The following DOCK1 variants were observed in gnomAD, a reference collection of about 807,000 sequenced individuals.
DOCK1 encodes dedicator of cytokinesis 1.
A neutral mutation model predicts 262.7 loss-of-function variants in DOCK1; 138 were observed. That is an observed-to-expected ratio of 0.53 (90% CI 0.46 to 0.61). DOCK1 has a LOEUF of 0.61. Among genes scored for constraint, DOCK1 ranks in the 20% least tolerant of loss-of-function variants. The probability of loss-of-function intolerance (pLI) is 0.00; values close to 1 mark genes in which losing one functional copy is unlikely to be tolerated. For missense variants in DOCK1, 1,908 were observed against 2,370.7 expected (o/e 0.80, Z 4.05); for synonymous variants, 866 against 867.4 (o/e 1.00, Z 0.03).
intron 23 of DOCK1, among the ~76,000 whole-genome samples, chr10:127,105,185 T>C (rs1243749858): frequency 1.3e-5 from 2 of 152,190 alleles, no homozygotes; most frequent in East Asian, 3.8e-4. Context: ...CCTTCCACCA[T>C]GATTATGAGG....
chr10:126,960,041 C>G (rs2037075394), intron 1 of DOCK1, among the ~76,000 whole-genome samples: 1 of 152,150 alleles, frequency 6.6e-6, no homozygotes, highest in African/African-American at 2.4e-5. Context: ...CTCCTGACCT[C>G]AGGTGATCCG....
chr10:127,325,117 T>C (rs2062699772), intron 29 of DOCK1, among the ~76,000 whole-genome samples: 1 of 152,082 alleles, frequency 6.6e-6, no homozygotes, highest in African/African-American at 2.4e-5. Context: ...TTTCTCTTAA[T>C]CATTACACTC....
intron 27 of DOCK1, among the ~76,000 whole-genome samples, chr10:127,235,461 G>A (rs2059013077): frequency 1.3e-5 from 2 of 152,126 alleles, no homozygotes; most frequent in African/African-American, 4.8e-5. Context: ...TTTACCAGTA[G>A]TTTGTTCCTC....
chr10:127,439,492 G>A (rs1233264866), intron 49 of DOCK1, among the ~76,000 whole-genome samples: 2 of 152,088 alleles, frequency 1.3e-5, no homozygotes, highest in East Asian at 3.9e-4. Flanking sequence ...GCTAGGCTCT[G>A]CCGCTCTGTT....
At chr10:127,237,464 T>G (rs2059115787) in intron 27 of DOCK1, among the ~76,000 whole-genome samples, 1 of 152,156 alleles carries the variant, frequency 6.6e-6, no homozygotes, top group African/African-American at 2.4e-5. Flanking sequence ...TTGTACTCTT[T>G]CTTACAACTT....
At chr10:127,108,746 C>T (rs141629065) in intron 24 of DOCK1, among the ~76,000 whole-genome samples, 3 of 152,298 alleles carry the variant, frequency 2.0e-5, no homozygotes, top group East Asian at 1.9e-4. Flanking sequence ...CAACAATAGA[C>T]GCAGCATCTA....
At chr10:127,445,915 G>A (rs1172857840) in intron 50 of DOCK1, among the ~76,000 whole-genome samples, 1 of 152,152 alleles carries the variant, frequency 6.6e-6, no homozygotes, top group Non-Finnish European at 1.5e-5. Flanking sequence ...AGTCACAAAG[G>A]GACAAATATT....
intron 27 of DOCK1, among the ~76,000 whole-genome samples, chr10:127,207,337 T>C (rs1215728096): frequency 6.6e-6 from 1 of 152,192 alleles, no homozygotes; most frequent in Non-Finnish European, 1.5e-5. Flanking sequence ...TCAGGAATCT[T>C]ATGTAGAAAG....
intron 10 of DOCK1, chr10:127,000,653 G>A (rs1018942795): frequency 4.9e-6 from 1 of 204,636 alleles, no homozygotes; most frequent in African/African-American, 2.3e-5. Context: ...ATATGTGCAG[G>A]ACGGTCAAAG....
intron 38 of DOCK1, among the ~76,000 whole-genome samples, chr10:127,401,924 G>C (rs924322183): frequency 1.3e-5 from 2 of 152,218 alleles, no homozygotes; most frequent in Non-Finnish European, 2.9e-5. Context: ...TCAGTGCCAA[G>C]GGTAGTCTAG....
intron 32 of DOCK1, among the ~76,000 whole-genome samples, chr10:127,356,002 A>G (rs2064127298): frequency 6.6e-6 from 1 of 152,216 alleles, no homozygotes; most frequent in Non-Finnish European, 1.5e-5. Context: ...CTCCCAGTAC[A>G]AAGAGAACCT....
chr10:127,143,117 G>A (rs913499594), intron 27 of DOCK1, among the ~76,000 whole-genome samples: 17 of 152,158 alleles, frequency 1.1e-4, no homozygotes, highest in Non-Finnish European at 7.3e-5. Flanking sequence ...CTCAGGCCCT[G>A]CCACAGTTTC....
intron 21 of DOCK1, among the ~76,000 whole-genome samples, chr10:127,052,042 T>C (rs1352232716): frequency 6.6e-6 from 1 of 152,222 alleles, no homozygotes; most frequent in Non-Finnish European, 1.5e-5. Context: ...GGGAAGCTAG[T>C]GTTTTACCTG....
At chr10:126,913,466 G>A (rs776255071) in intron 1 of DOCK1, among the ~76,000 whole-genome samples, 10 of 152,216 alleles carry the variant, frequency 6.6e-5, no homozygotes, top group African/African-American at 9.6e-5. Context: ...CACGAGGCTG[G>A]CTTCTGTCCT....
chr10:126,994,936 C>G (rs1355577064), intron 6 of DOCK1, among the ~76,000 whole-genome samples: 1 of 149,806 alleles, frequency 6.7e-6, no homozygotes, highest in Non-Finnish European at 1.5e-5. Flanking sequence ...GGGTGGCTGC[C>G]GGGTGGAGGG....
intron 35 of DOCK1, among the ~76,000 whole-genome samples, chr10:127,377,307 C>A (rs2065550467): frequency 6.6e-6 from 1 of 152,056 alleles, no homozygotes; most frequent in South Asian, 2.1e-4. Context: ...TCTCCTGGTA[C>A]TTTTATTACA....
rs2044093805 is a variant in DOCK1, at chr10:127,042,607, C to T, written c.2011-18C>T. 1 of 1,612,198 alleles carries T rather than the reference C, an allele frequency of 6.2e-7. No individual in the cohort carries two copies. Among genetic ancestry groups the T allele is most frequent in the Admixed American group, 1.7e-5 (1 of 59,998 alleles). Reference sequence around the variant, plus strand: ...CCGGTGGGTTCACATTGTCACCCGACCTTCTGTGTCTATGCAGTTTCTTCA... The same window carrying T: ...CCGGTGGGTTCACATTGTCACCCGATCTTCTGTGTCTATGCAGTTTCTTCA... On this transcript the variant is annotated intron_variant, in intron 19 of 51. Coordinates refer to ENST00000623213, the MANE Select transcript of DOCK1 (RefSeq NM_001290223.2).
rs762364778 is a variant in DOCK1, at chr10:127,362,199, G to A, written c.3419G>A (p.Arg1140Gln). 23 of 1,613,174 alleles carry A rather than the reference G, an allele frequency of 1.4e-5. No homozygotes were observed. Among genetic ancestry groups the A allele is most frequent in the Admixed American group, 1.7e-5 (1 of 59,858 alleles). Reference protein sequence around the residue: ...DMMQCEFHSTRSFQMFENEII... With the variant: ...DMMQCEFHSTQSFQMFENEII... ...ATGCAGTGTGAATTCCATTCGACCC[G>A]AAGCTTCCAAATGGTAAGGACGTAG... The change falls in exon 33 of 52, where the codon CGA becomes CAA. Residue 1140 changes from arginine to glutamine, a missense_variant. This residue lies in a region of DOCK1 where 518 missense variants were observed against 575.1 expected (regional missense o/e 0.90). Coordinates refer to ENST00000623213, the MANE Select transcript of DOCK1 (RefSeq NM_001290223.2).
chr10:127,258,053 T>C (rs898133042), intron 29 of DOCK1, among the ~76,000 whole-genome samples: 6 of 152,226 alleles, frequency 3.9e-5, no homozygotes, highest in African/African-American at 1.4e-4. Context: ...GAGATAATTG[T>C]GGGTTCATGT....
Sources: allele counts gnomAD v4.1 joint callset (sites outside exome capture counted in the v4.1 genomes callset), GRCh38; gene constraint gnomAD v4.1.1; regional missense constraint gnomAD v4.1.1; transcripts MANE v1.5; gene names NCBI Gene and HGNC (gene_info 2026-07-23, HGNC 2026-07-21).